GBP7: variants seen among roughly 807,000 people sequenced by gnomAD.
The protein encoded by GBP7 is guanylate binding protein 7, also known as guanylate-binding protein 7.
A neutral mutation model predicts 61.3 loss-of-function variants in GBP7; 43 were observed. The observed-to-expected ratio is 0.70, with a 90% CI of 0.55 to 0.91. The LOEUF is 0.91. Ranked by LOEUF, GBP7 falls within the 40% of genes least tolerant of loss-of-function variation. The probability of loss-of-function intolerance (pLI) is 0.00; values close to 1 mark genes in which losing one functional copy is unlikely to be tolerated. For missense variants in GBP7, 717 were observed against 740.5 expected (o/e 0.97, Z 0.37); for synonymous variants, 267 against 271.0 (o/e 0.99, Z 0.14).
chr1:89,160,124 C>T (rs1458861857), intron 3 of GBP7, among the ~76,000 whole-genome samples: 2 of 152,140 alleles, frequency 1.3e-5, no homozygotes, highest in African/African-American at 4.8e-5. Flanking sequence ...GAAAAGCAAA[C>T]ACCGCATGTT....
chr1:89,150,252 C>T (rs768875006), intron 6 of GBP7, 78 bp downstream of exon 6: 57 of 1,338,864 alleles, frequency 4.3e-5, no homozygotes, highest in Admixed American at 7.5e-5. Context: ...ACCAGTTGTT[C>T]GTGCTCATAA....
At chr1:89,156,710 G>A (rs967525639) in intron 3 of GBP7, among the ~76,000 whole-genome samples, 7 of 152,146 alleles carry the variant, frequency 4.6e-5, no homozygotes, top group Non-Finnish European at 7.3e-5. Flanking sequence ...CATAAAGCAA[G>A]TCCTTAGAGA....
chr1:89,132,967 C>T (rs1438069771), intron 10 of GBP7, among the ~76,000 whole-genome samples: 6 of 152,098 alleles, frequency 3.9e-5, no homozygotes, highest in Non-Finnish European at 5.9e-5. Context: ...GGCTGGTGGA[C>T]TAAGGTCCTA....
chr1:89,159,291 A>C (rs2100654039), intron 3 of GBP7, among the ~76,000 whole-genome samples: 1 of 152,350 alleles, frequency 6.6e-6, no homozygotes, highest in African/African-American at 2.4e-5. Flanking sequence ...CATTCAGGAC[A>C]TAGGCATGGG....
chr1:89,139,827 C>T (rs1000429109), intron 9 of GBP7, among the ~76,000 whole-genome samples: 4 of 152,162 alleles, frequency 2.6e-5, no homozygotes, highest in African/African-American at 4.8e-5. Context: ...AATAGGAACA[C>T]TTTTACCCTG....
chr1:89,162,033 T>G (rs1647284929), intron 3 of GBP7, among the ~76,000 whole-genome samples: 1 of 126,880 alleles, frequency 7.9e-6, no homozygotes, highest in South Asian at 2.7e-4. Flanking sequence ...GGGAATCTTT[T>G]CCCCATTGCT....
At chr1:89,175,882 C>T (rs1054632548) in intron 1 of GBP7, 39 bp downstream of exon 1, 7 of 152,088 alleles carry the variant, frequency 4.6e-5, no homozygotes, top group Non-Finnish European at 8.8e-5. Context: ...ACTAATGGAT[C>T]CTTATAAATC....
chr1:89,162,365 G>C (rs1188697037), intron 3 of GBP7, among the ~76,000 whole-genome samples: 1 of 152,082 alleles, frequency 6.6e-6, no homozygotes, highest in African/African-American at 2.4e-5. Context: ...AATTGCTTTG[G>C]GCAGTAAGGT....
At chr1:89,142,913 GC>G (rs1681985995) in intron 8 of GBP7, among the ~76,000 whole-genome samples, 1 of 152,028 alleles carries the variant, frequency 6.6e-6, no homozygotes, top group Admixed American at 6.6e-5. Flanking sequence ...GATATAGTAC[GC>G]CATTATGTGA....
Position 89,151,747 on chromosome 1 carries a change from T to C in GBP7, c.625+521A>G, listed in dbSNP as rs1682205540. Among the ~76,000 whole-genome samples, 6 of 152,218 alleles carry C rather than the reference T, an allele frequency of 3.9e-5. No individual in the cohort carries two copies. In the South Asian group the frequency reaches 1.2e-3, roughly 32 times the overall value. On this transcript the variant is annotated intron_variant, in intron 5 of 10. Transcript: ENST00000294671. ...ACTGGAAGCATATGTCTGTGTATTT[T>C]TTTTTTAATTTCCTGAATCATTAAC...
chr1:89,148,848 A>T (rs1010828469), intron 7 of GBP7, among the ~76,000 whole-genome samples: 2 of 152,204 alleles, frequency 1.3e-5, no homozygotes, highest in East Asian at 3.8e-4. Context: ...AAATAAAAAA[A>T]AATTCTATAT....
chr1:89,151,165 A>C (rs971759392), intron 5 of GBP7, among the ~76,000 whole-genome samples: 1 of 152,128 alleles, frequency 6.6e-6, no homozygotes, highest in Non-Finnish European at 1.5e-5. Context: ...TTCCCACCCT[A>C]TATAACTTCA....
chr1:89,150,489 G>A lies in GBP7; in HGVS notation c.712C>T (p.Arg238Trp), dbSNP rs765665224. The A allele has an allele frequency of 1.9e-5, 30 of 1,613,692 alleles. No individual in the cohort carries two copies. Among genetic ancestry groups the A allele is most frequent in the East Asian group, 6.7e-5 (3 of 44,878 alleles). The change falls in exon 6 of 11, where the codon CGG becomes TGG. Residue 238 changes from arginine (R) to tryptophan (W), a missense_variant. Physicochemically the swap from Arg to Trp is moderately radical, Grantham distance 101. Around this residue, in one of 3 missense-constraint regions of GBP7, gnomAD observed 387 missense variants for 385.2 expected, o/e 1.00. Transcript: ENST00000294671. Reference protein sequence around the residue: ...FPKQKCFVFDRPINDKKLLLH... With the variant: ...FPKQKCFVFDWPINDKKLLLH... The stretch of plus-strand genomic sequence containing the variant: ...AAGAGTTTTTTGTCATTTATTGGCC[G>A]GTCAAAGACAAAGCACTTCTGTTTT...
At chr1:89,161,334 T>C (rs1647259690) in intron 3 of GBP7, among the ~76,000 whole-genome samples, 1 of 152,190 alleles carries the variant, frequency 6.6e-6, no homozygotes, top group South Asian at 2.1e-4. Context: ...CTTTAGGTCT[T>C]TGAGTAGTTG....
rs145934407 is a variant in GBP7 at position 89,147,508 on chromosome 1, G to A, written c.1365+59C>T. On this transcript the variant is annotated intron_variant, in intron 8 of 10. Coordinates refer to ENST00000294671, the MANE Select transcript of GBP7 (RefSeq NM_207398.3). ...CTGTGTTCTTAGATTTTCAGAAGAG[G>A]CAACGAAGACCCTCTGACTATCCTC... 2.0e-4 allele frequency: 270 copies of A among 1,318,712 alleles called. 3 individuals are homozygous for A. In the East Asian group the frequency reaches 5.5e-3, roughly 27 times the overall value. 81.7% of individuals were successfully genotyped at this position (1,318,712 alleles called of 1,614,324 possible).
At chr1:89,133,698 A>C (rs577697444) in intron 9 of GBP7, among the ~76,000 whole-genome samples, 2 of 152,280 alleles carry the variant, frequency 1.3e-5, no homozygotes, top group African/African-American at 4.8e-5. Flanking sequence ...ACCAAGACTC[A>C]TTCCTAATCC....
In GBP7 at chr1:89,133,347, C is replaced by T. The variant is rs202078573; in HGVS notation, c.1573G>A (p.Glu525Lys). 3.3e-5 allele frequency: 53 copies of T among 1,614,062 alleles called. No individual in the cohort carries two copies. The East Asian group carries it at 1.0e-3, about 32-fold the overall frequency. ...TTCTTCTTGAGTTGAGCTATGTTTT[C>T]CTGGAAACTTCTCTCTTGAGCCTCC... Reference protein sequence around the residue: ...MMEAQERSFQENIAQLKKKME... With the variant: ...MMEAQERSFQKNIAQLKKKME... The change falls in exon 10 of 11, where the codon GAA becomes AAA. Residue 525 changes from glutamate to lysine, a missense_variant. This residue lies in a region of GBP7 where 312 missense variants were observed against 310.1 expected (regional missense o/e 1.01). Coordinates refer to ENST00000294671, the MANE Select transcript of GBP7 (RefSeq NM_207398.3).
chr1:89,163,610 C>T (rs1379321240), intron 3 of GBP7, among the ~76,000 whole-genome samples: 1 of 151,790 alleles, frequency 6.6e-6, no homozygotes, highest in Non-Finnish European at 1.5e-5. Context: ...ATCCCCCTGT[C>T]GTTTCTGACT....
chr1:89,141,447 A>G, intron 9 of GBP7, 99 bp downstream of exon 9: 1 of 995,036 alleles, frequency 1.0e-6, no homozygotes, highest in South Asian at 1.6e-5. Flanking sequence ...CCCTATGAGA[A>G]GAAAGCTCCT....
Sources: allele counts gnomAD v4.1 joint callset (sites outside exome capture counted in the v4.1 genomes callset), GRCh38; gene constraint gnomAD v4.1.1; regional missense constraint gnomAD v4.1.1; transcripts MANE v1.5; gene names NCBI Gene and HGNC (gene_info 2026-07-23, HGNC 2026-07-21).